Variants in KLRC3 observed in about 807,000 individuals in gnomAD.
KLRC3 encodes the protein NKG2-E type II integral membrane protein.
KLRC3 carries 16 observed loss-of-function variants against 23.6 expected under a neutral mutation model. The observed-to-expected ratio is 0.68, with a 90% CI of 0.46 to 1.03. The LOEUF (loss-of-function observed/expected upper bound fraction) is 1.03. Ranked by LOEUF, KLRC3 falls within the 50% of genes least tolerant of loss-of-function variation. The probability of loss-of-function intolerance (pLI) is 0.00; values close to 1 mark genes in which losing one functional copy is unlikely to be tolerated. For synonymous variants in KLRC3, 70 were observed against 71.8 expected (o/e 0.98, Z 0.13); for missense variants, 209 against 232.2 (o/e 0.90, Z 0.65).
rs577281298 is a variant in KLRC3 at position 10,419,622 on chromosome 12, A to G, written c.286+244T>C. 92 of 943,236 alleles carry G rather than the reference A, an allele frequency of 9.8e-5. No individual in the cohort carries two copies. In the South Asian group the frequency reaches 1.2e-3, roughly 12 times the overall value. 58.4% of individuals were successfully genotyped at this position (943,236 alleles called of 1,614,324 possible). A position where few individuals can be genotyped will look rare whatever the true frequency, so the allele number is the denominator to read the frequency against. ...TAATAGAAAAATTAAAATGATTTTTATAAAAAGTAATATTTAGATAAACCA... is the reference window on the plus strand; with the variant it reads ...TAATAGAAAAATTAAAATGATTTTTGTAAAAAGTAATATTTAGATAAACCA... On this transcript the variant is annotated intron_variant, in intron 2 of 6. Coordinates refer to ENST00000396439, the MANE Select transcript of KLRC3 (RefSeq NM_002261.3).
Position 10,418,489 on chromosome 12 carries a change from C to T in KLRC3, c.341G>A (p.Cys114Tyr). Residue 114 changes from cysteine (C) to tyrosine (Y), a missense_variant, in exon 4 of 7, where the codon TGT becomes TAT. This residue lies in a region of KLRC3 where 109 missense variants were observed against 113.2 expected (regional missense o/e 0.96). Coordinates refer to ENST00000396439, the MANE Select transcript of KLRC3 (RefSeq NM_002261.3). ...AATCCACTCCTCAGGACAATGGCCA[C>T]AATGACGTGCTAATAAAGATATGAA... ...PNARTQKARHCGHCPEEWITY... is the reference protein window; with the variant it reads ...PNARTQKARHYGHCPEEWITY... 1.3e-6 allele frequency: 2 copies of T among 1,585,114 alleles called. No homozygotes were observed. Among genetic ancestry groups the T allele is most frequent in the Non-Finnish European group, 1.7e-6 (2 of 1,156,770 alleles).
At chr12:10,413,645 ATATTT>A (rs1863602188) in intron 6 of KLRC3, among the ~76,000 whole-genome samples, 1 of 152,168 alleles carries the variant, frequency 6.6e-6, no homozygotes, top group South Asian at 2.1e-4. Context: ...TATTATTATT[ATATTT>A]TAAGTTCTAG....
rs138679266 is a variant in KLRC3 at position 10,418,347 on chromosome 12, T to C, written c.483A>G (p.Glu161=). The C allele has an allele frequency of 8.0e-5, 128 of 1,602,240 alleles. No homozygotes were observed. The African/African-American group carries it at 1.6e-3, about 20-fold the overall frequency. ...SSLLCIDNEE[E]MKFLASILPS... ...GTTTGAAACATTTACATCTTACCAT[T>C]TCTTCTTCATTATCTATACAAAGCA... is the stretch of plus-strand genomic sequence containing the variant. Residue 161 remains glutamate, a synonymous_variant, in exon 4 of 7, where the codon GAA becomes GAG. Coordinates refer to ENST00000396439, the MANE Select transcript of KLRC3 (RefSeq NM_002261.3).
intron 3 of KLRC3, among the ~76,000 whole-genome samples, 195 bp from the exon 4 acceptor site, chr12:10,418,693 A>G (rs1378792349): frequency 6.6e-6 from 1 of 152,182 alleles, no homozygotes; most frequent in African/African-American, 2.4e-5. Context: ...TCTCTCCCCT[A>G]ATTGTGTTCC....
intron 4 of KLRC3, 92 bp from the exon 5 acceptor site, chr12:10,416,859 C>T: frequency 8.9e-7 from 1 of 1,120,890 alleles, no homozygotes; most frequent in East Asian, 2.6e-5. Context: ...ATTTGCAGTG[C>T]CAAAAACTTT....
chr12:10,418,263 C>T, intron 4 of KLRC3, 81 bp downstream of exon 4: 2 of 1,277,344 alleles, frequency 1.6e-6, no homozygotes, highest in Non-Finnish European at 1.1e-6. Context: ...AATATATGTA[C>T]ACACATATGG....
At chr12:10,416,119 T>C (rs1302736273) in intron 5 of KLRC3, among the ~76,000 whole-genome samples, 1 of 152,184 alleles carries the variant, frequency 6.6e-6, no homozygotes, top group African/African-American at 2.4e-5. Flanking sequence ...TAACTACTAA[T>C]AAAAAATTGT....
Position 10,412,584 on chromosome 12 carries a change from G to T in KLRC3, c.711C>A (p.Val237=). 1 of 701,512 alleles carries T rather than the reference G, an allele frequency of 1.4e-6. No individual in the cohort carries two copies. The highest frequency in any genetic ancestry group is 1.5e-5 in the South Asian group (1 of 67,486). 43.5% of individuals were successfully genotyped at this position (701,512 alleles called of 1,614,324 possible). A position where few individuals can be genotyped will look rare whatever the true frequency, so the allele number is the denominator to read the frequency against. Residue 237 remains valine (V), a synonymous_variant, in exon 7 of 7, where the codon GTC becomes GTA. Coordinates refer to ENST00000396439, the MANE Select transcript of KLRC3 (RefSeq NM_002261.3). ...TGATTTCTTGAGCTCAGGAGTTCAA[G>T]ACCAGCCTGGTCAACATGATGAAAC... is the stretch of plus-strand genomic sequence containing the variant. ...RRGFIMLTRL[V]LNS
chr12:10,414,298 T>C (rs1863610072), intron 6 of KLRC3, among the ~76,000 whole-genome samples: 1 of 151,806 alleles, frequency 6.6e-6, no homozygotes, highest in Admixed American at 6.6e-5. Flanking sequence ...AAAATAAAAA[T>C]GTTACAATTG....
At chr12:10,416,346 A>AT (rs1157206423) in intron 5 of KLRC3, among the ~76,000 whole-genome samples, 2 of 152,082 alleles carry the variant, frequency 1.3e-5, no homozygotes, top group African/African-American at 2.4e-5. Flanking sequence ...TATTTTTGCA[A>AT]TTTTTTTGTT....
intron 5 of KLRC3, 74 bp from the exon 6 acceptor site, chr12:10,415,868 T>A: frequency 9.6e-7 from 1 of 1,043,444 alleles, no homozygotes; most frequent in Non-Finnish European, 1.5e-6. Context: ...ATTTTCCATG[T>A]ACTGTAAGAA....
rs1286767513 is a variant in KLRC3, at chr12:10,415,735, A to G, written c.647T>C (p.Ile216Thr). Residue 216 changes from isoleucine to threonine, a missense_variant, in exon 6 of 7, where the codon ATA becomes ACA. By Grantham distance (89) the Ile-to-Thr change is moderately conservative. This residue lies in a region of KLRC3 where 74 missense variants were observed against 51.0 expected (regional missense o/e 1.45). Transcript: ENST00000396439. Reference protein sequence around the residue: ...NCAMLHVRGLISDQCGSSRII... With the variant: ...NCAMLHVRGLTSDQCGSSRII... ...TCTTGAAGATCCACACTGGTCTGAT[A>G]TAAGTCCACGTACATGTAGCATTGC... The G allele has an allele frequency of 3.7e-6, 6 of 1,613,820 alleles. No individual in the cohort carries two copies. In the South Asian group the frequency reaches 4.4e-5, roughly 12 times the overall value.
chr12:10,415,846 T>A lies in KLRC3; in HGVS notation c.588-52A>T, dbSNP rs79481984. On this transcript the variant is annotated intron_variant, in intron 5 of 6. Transcript: ENST00000396439. ...TGTTACATTTTATGCAAATGACCCA[T>A]GAGACAAAAGCATTTTCCATGTACT... The A allele has an allele frequency of 4.1e-3, 5,429 of 1,339,574 alleles. 172 individuals are homozygous for A. In the African/African-American group the frequency reaches 0.069, roughly 17 times the overall value. 83.0% of individuals were successfully genotyped at this position (1,339,574 alleles called of 1,614,324 possible).
At chr12:10,418,301 G>A (rs757530121) in intron 4 of KLRC3, 43 bp downstream of exon 4, 1 of 1,524,628 alleles carries the variant, frequency 6.6e-7, no homozygotes, top group East Asian at 2.3e-5. Flanking sequence ...ATTATTCACT[G>A]AAAGAAGCTT....
intron 4 of KLRC3, 114 bp from the exon 5 acceptor site, chr12:10,416,881 GAAT>G: frequency 2.3e-6 from 2 of 862,888 alleles, no homozygotes; most frequent in Non-Finnish European, 3.5e-6. Context: ...ATAAATGTTT[GAAT>G]TTTTTATTTA....
intron 6 of KLRC3, among the ~76,000 whole-genome samples, chr12:10,413,062 T>C (rs977188395): frequency 1.3e-5 from 2 of 152,126 alleles, no homozygotes; most frequent in Non-Finnish European, 2.9e-5. Flanking sequence ...TAGGAGACAG[T>C]TGAAATGTAG....
rs768260673 is a variant in KLRC3, at chr12:10,416,660, A to G, written c.587+7T>C. 2 of 1,609,656 alleles carry G rather than the reference A, an allele frequency of 1.2e-6. No individual in the cohort carries two copies. Among genetic ancestry groups the G allele is most frequent in the Non-Finnish European group, 1.7e-6 (2 of 1,177,902 alleles). ...TTTTTTATATAGCACCCTATAAAAC[A>G]ACTTACTCATGTTTGAAAGCCAAAC... On this transcript the variant is annotated splice_region_variant and intron_variant, in intron 5 of 6. Transcript: ENST00000396439.
At chr12:10,419,801 A>G in intron 2 of KLRC3, 65 bp downstream of exon 2, 3 of 414,794 alleles carry the variant, frequency 7.2e-6, no homozygotes, top group South Asian at 7.1e-5. Flanking sequence ...AGTATGAAAT[A>G]TTTTGAGGCA....
chr12:10,416,451 C>T (rs1180272928), intron 5 of KLRC3, among the ~76,000 whole-genome samples: 1 of 152,216 alleles, frequency 6.6e-6, no homozygotes, highest in Non-Finnish European at 1.5e-5. Flanking sequence ...AGATTAGACA[C>T]CCCTGGTCCA....
Sources: allele counts gnomAD v4.1 joint callset (sites outside exome capture counted in the v4.1 genomes callset), GRCh38; gene constraint gnomAD v4.1.1; regional missense constraint gnomAD v4.1.1; transcripts MANE v1.5; gene names NCBI Gene and HGNC (gene_info 2026-07-23, HGNC 2026-07-21).